The following GRIK3 variants were observed in gnomAD, a reference collection of about 807,000 sequenced individuals.
GRIK3 encodes glutamate receptor ionotropic, kainate 3.
Under a neutral mutation model 102.5 loss-of-function variants are expected in GRIK3, and 29 were observed. The observed-to-expected ratio is 0.28, with a 90% CI of 0.21 to 0.39. The LOEUF (loss-of-function observed/expected upper bound fraction) is 0.39. Ranked by LOEUF, GRIK3 falls within the 10% of genes least tolerant of loss-of-function variation. The pLI, the probability that GRIK3 is intolerant of heterozygous loss-of-function variation, is 1.00. For missense variants in GRIK3, 908 were observed against 1,252.4 expected (o/e 0.73, Z 4.15); for synonymous variants, 511 against 504.9 (o/e 1.01, Z -0.16).
Position 36,975,123 on chromosome 1 carries a change from T to C in GRIK3, c.115+58871A>G, listed in dbSNP as rs557567765. 3.3e-5 allele frequency among the ~76,000 whole-genome samples: 5 copies of C among 152,302 alleles called. No homozygotes were observed. In the South Asian group the frequency reaches 8.3e-4, roughly 25 times the overall value. ...ATCTACTTAATGTTACGGAATCAGA[T>C]ACTTAAAAACTGTTAAAATGGTAAT... On this transcript the variant is annotated intron_variant, in intron 1 of 15. Coordinates refer to ENST00000373091, the MANE Select transcript of GRIK3 (RefSeq NM_000831.4).
chr1:36,839,132 T>C (rs57761257), intron 10 of GRIK3, among the ~76,000 whole-genome samples: 29,342 of 152,056 alleles, frequency 0.19, 3,374 homozygotes, highest in African/African-American at 0.32. Flanking sequence ...GGCCCAGCCC[T>C]GCTCACCTCC....
Position 36,796,085 on chromosome 1 carries a change from T to C in GRIK3, c.*5766A>G, listed in dbSNP as rs1369482265. 6.6e-6 allele frequency: 1 copy of C among 152,158 alleles called. No individual in the cohort carries two copies. The highest frequency in any genetic ancestry group is 1.5e-5 in the Non-Finnish European group (1 of 68,152). 9.4% of individuals were successfully genotyped at this position (152,158 alleles called of 1,614,324 possible). A position where few individuals can be genotyped will look rare whatever the true frequency, so the allele number is the denominator to read the frequency against. On this transcript the variant is annotated 3_prime_UTR_variant, in exon 16 of 16. Coordinates refer to ENST00000373091, the MANE Select transcript of GRIK3 (RefSeq NM_000831.4). The stretch of plus-strand genomic sequence containing the variant: ...CAGGGCCCCAGAGGCAGACCCAGAG[T>C]TCAGTGCAGACCAGCCTGACGCCTG...
At chr1:36,963,287 C>A (rs1226307579) in intron 1 of GRIK3, among the ~76,000 whole-genome samples, 1 of 152,114 alleles carries the variant, frequency 6.6e-6, no homozygotes, top group African/African-American at 2.4e-5. Flanking sequence ...CGGTAGCAGG[C>A]AATAGAGAAA....
At chr1:36,958,577 T>A (rs1405606309) in intron 1 of GRIK3, among the ~76,000 whole-genome samples, 1 of 150,722 alleles carries the variant, frequency 6.6e-6, no homozygotes, top group African/African-American at 2.4e-5. Flanking sequence ...TGTGACTCTG[T>A]GCCCTGTGAG....
In GRIK3 at chr1:36,850,284, C is replaced by A. The variant is rs778087568; in HGVS notation, c.1326+27G>T. 4.8e-6 allele frequency: 7 copies of A among 1,451,924 alleles called. No individual in the cohort carries two copies. Among genetic ancestry groups the A allele is most frequent in the Non-Finnish European group, 6.8e-6 (7 of 1,031,754 alleles). 89.9% of individuals were successfully genotyped at this position (1,451,924 alleles called of 1,614,324 possible). On this transcript the variant is annotated intron_variant, in intron 9 of 15. Coordinates refer to ENST00000373091, the MANE Select transcript of GRIK3 (RefSeq NM_000831.4). The surrounding 1 kb of genome is among the most constrained non-coding windows in gnomAD (Gnocchi z 4.0). ...CACCCCACCCCCAGGTCGGACAGTC[C>A]TTCCTGCAGGGGCTGCAGGCTCTTA... is the stretch of plus-strand genomic sequence containing the variant.
At chr1:36,956,474 A>G (rs1641906617) in intron 1 of GRIK3, among the ~76,000 whole-genome samples, 2 of 152,100 alleles carry the variant, frequency 1.3e-5, no homozygotes, top group South Asian at 4.2e-4. Flanking sequence ...AAAACCCGCT[A>G]ACTCCTTCCA....
intron 1 of GRIK3, among the ~76,000 whole-genome samples, chr1:36,892,398 G>A (rs1357438212): frequency 6.6e-6 from 1 of 152,048 alleles, no homozygotes; most frequent in Non-Finnish European, 1.5e-5. Context: ...CACTTCCAGA[G>A]GCCGAGGCAG....
chr1:36,914,927 C>A (rs1311066502), intron 1 of GRIK3, among the ~76,000 whole-genome samples: 1 of 152,196 alleles, frequency 6.6e-6, no homozygotes, highest in Non-Finnish European at 1.5e-5. Context: ...AATTCATCAG[C>A]CTGGTGCTTT....
intron 1 of GRIK3, among the ~76,000 whole-genome samples, chr1:36,952,091 C>T (rs1641850815): frequency 6.6e-6 from 1 of 152,112 alleles, no homozygotes; most frequent in South Asian, 2.1e-4. Context: ...TGTGATTTTC[C>T]CAAAGTGACA....
At chr1:37,002,434 C>T (rs1350886168) in intron 1 of GRIK3, among the ~76,000 whole-genome samples, 2 of 152,084 alleles carry the variant, frequency 1.3e-5, no homozygotes, top group South Asian at 2.1e-4. Context: ...AACAGCATTT[C>T]GGAGAGTGGG....
At position 36,891,068 on chromosome 1, in the gene GRIK3, G is replaced by A. The variant is rs369291343; in HGVS notation, c.144C>T (p.Pro48=). 3.1e-6 allele frequency: 5 copies of A among 1,613,566 alleles called. No individual in the cohort carries two copies. The highest frequency in any genetic ancestry group is 2.2e-5 in the East Asian group (1 of 44,886). ...IGGIFEYADG[P]NAQVMNAEEH... ...CCTCGGCATTCATGACCTGGGCGTT[G>A]GGGCCGTCCGCATACTCGAAGATTC... Residue 48 remains proline (P), a synonymous_variant, in exon 2 of 16, where the codon CCC becomes CCT. Transcript: ENST00000373091.
chr1:36,915,622 G>A (rs1641390745), intron 1 of GRIK3, among the ~76,000 whole-genome samples: 1 of 152,082 alleles, frequency 6.6e-6, no homozygotes, highest in South Asian at 2.1e-4. Flanking sequence ...GAATCATGGG[G>A]GCAGGTCTTT....
intron 15 of GRIK3, among the ~76,000 whole-genome samples, chr1:36,802,976 G>C (rs1041277491): frequency 3.9e-5 from 6 of 152,096 alleles, no homozygotes; most frequent in Non-Finnish European, 7.4e-5. Flanking sequence ...ACTGTTCCAG[G>C]TGTTAGGCAT....
chr1:36,840,889 C>T (rs1212434940), intron 10 of GRIK3, among the ~76,000 whole-genome samples: 1 of 152,210 alleles, frequency 6.6e-6, no homozygotes, highest in East Asian at 1.9e-4. Context: ...TACCAGGGAC[C>T]CTCTTACTGA....
At chr1:36,923,773 C>T (rs1434905875) in intron 1 of GRIK3, among the ~76,000 whole-genome samples, 3 of 152,152 alleles carry the variant, frequency 2.0e-5, no homozygotes, top group East Asian at 1.9e-4. Flanking sequence ...TGAACCCCAT[C>T]GGGGGTGTAT....
intron 1 of GRIK3, among the ~76,000 whole-genome samples, chr1:37,024,214 C>T (rs1642743609): frequency 6.6e-6 from 1 of 152,132 alleles, no homozygotes; most frequent in Non-Finnish European, 1.5e-5. Context: ...CTTTTGATGC[C>T]ATGCTGGAGG....
chr1:36,974,614 C>T (rs1353140744), intron 1 of GRIK3, among the ~76,000 whole-genome samples: 1 of 151,688 alleles, frequency 6.6e-6, no homozygotes, highest in Non-Finnish European at 1.5e-5. Context: ...CTGGCTAACA[C>T]AGTGAAACCC....
chr1:37,007,881 T>C (rs7524871), intron 1 of GRIK3, among the ~76,000 whole-genome samples: 38,408 of 151,490 alleles, frequency 0.25, 5,114 homozygotes, highest in African/African-American at 0.28. Context: ...CAGTGGGAGG[T>C]GGAAGTGGGG....
intron 1 of GRIK3, among the ~76,000 whole-genome samples, chr1:36,917,083 C>T (rs1181164377): frequency 6.6e-6 from 1 of 152,222 alleles, no homozygotes; most frequent in African/African-American, 2.4e-5. Context: ...CCTCTTGCAT[C>T]AGTGTGATCT....
Sources: allele counts gnomAD v4.1 joint callset (sites outside exome capture counted in the v4.1 genomes callset), GRCh38; gene constraint gnomAD v4.1.1; non-coding constraint Gnocchi (gnomAD v3.1); transcripts MANE v1.5; gene names NCBI Gene and HGNC (gene_info 2026-07-23, HGNC 2026-07-21).